Variants in CRB1 observed in about 807,000 individuals in gnomAD.
The protein encoded by CRB1 is crumbs cell polarity complex component 1, also known as protein crumbs homolog 1.
CRB1 carries 83 observed loss-of-function variants against 120.0 expected under a neutral mutation model. The ratio of observed to expected loss-of-function variants is 0.69; its 90% CI spans 0.58 to 0.83. The LOEUF (loss-of-function observed/expected upper bound fraction) is 0.83, where lower values mean the gene tolerates loss of function less well. Ranked by LOEUF, CRB1 falls within the 40% of genes least tolerant of loss-of-function variation. The pLI is 0.00. For missense variants in CRB1, 1,699 were observed against 1,687.6 expected (o/e 1.01, Z -0.12); for synonymous variants, 625 against 612.5 (o/e 1.02, Z -0.30).
chr1:197,465,770 G>C (rs184351822), intron 11 of CRB1, among the ~76,000 whole-genome samples: 1 of 152,144 alleles, frequency 6.6e-6, no homozygotes, highest in Non-Finnish European at 1.5e-5. Context: ...CTGATAATTT[G>C]ATGTAAACTG....
Position 197,356,927 on chromosome 1 carries a change from A to C in CRB1, c.1085A>C (p.Gln362Pro), listed in dbSNP as rs747814727. The C allele has an allele frequency of 6.2e-7, 1 of 1,614,226 alleles. No homozygotes were observed. Among genetic ancestry groups the C allele is most frequent in the Non-Finnish European group, 8.5e-7 (1 of 1,180,014 alleles). Residue 362 changes from glutamine (Q) to proline (P), a missense_variant, in exon 5 of 12, where the codon CAA becomes CCA. Coordinates refer to ENST00000367400, the MANE Select transcript of CRB1 (RefSeq NM_201253.3). ...GECVELSSEKQYGRITGLPSS... is the reference protein window; with the variant it reads ...GECVELSSEKPYGRITGLPSS... ...TGTGTGGAGCTGTCCTCAGAGAAAC[A>C]ATATGGACGCATCACTGGACTGCCT... is the stretch of plus-strand genomic sequence containing the variant.
chr1:197,222,574 C>G, the CRB1 span: 4 of 768,850 alleles, frequency 5.2e-6, no homozygotes, highest in Non-Finnish European at 9.7e-6. Context: ...GACGAAACTC[C>G]TGTTGTTTTG....
chr1:197,289,801 T>G (rs1656060144), intron 1 of CRB1, among the ~76,000 whole-genome samples: 1 of 151,728 alleles, frequency 6.6e-6, no homozygotes. Flanking sequence ...TCTGTTTGCC[T>G]TTTAAAATGG....
the CRB1 span, among the ~76,000 whole-genome samples, chr1:197,250,619 G>A: frequency 6.6e-6 from 1 of 151,970 alleles, no homozygotes; most frequent in African/African-American, 2.4e-5. Flanking sequence ...CGTAGAGAGG[G>A]GGCTTGTGTA....
At chr1:197,376,804 C>T (rs1661671375) in intron 5 of CRB1, among the ~76,000 whole-genome samples, 1 of 152,158 alleles carries the variant, frequency 6.6e-6, no homozygotes, top group Non-Finnish European at 1.5e-5. Flanking sequence ...AGTCCAGTGG[C>T]TCACATGTTC....
At chr1:197,298,797 A>AT (rs1466693926) in intron 1 of CRB1, among the ~76,000 whole-genome samples, 2 of 152,042 alleles carry the variant, frequency 1.3e-5, no homozygotes, top group African/African-American at 4.8e-5. Flanking sequence ...TGGCATTAAA[A>AT]TTTTTTTGCC....
At chr1:197,222,303 A>G in the CRB1 span, 2 of 675,620 alleles carry the variant, frequency 3.0e-6, no homozygotes, top group Non-Finnish European at 5.6e-6. Context: ...TATTTTCAGA[A>G]ATGGAAATTG....
the CRB1 span, among the ~76,000 whole-genome samples, chr1:197,240,649 G>C: frequency 7.5e-4 from 114 of 152,246 alleles, 2 homozygotes; most frequent in East Asian, 0.022. Context: ...AGTCTTTGCT[G>C]TTGTGAACAG....
At chr1:197,406,923 G>T (rs976856838) in intron 5 of CRB1, among the ~76,000 whole-genome samples, 1 of 152,288 alleles carries the variant, frequency 6.6e-6, no homozygotes, top group East Asian at 1.9e-4. Context: ...ATTTCACCAT[G>T]AACAAAGTTA....
chr1:197,346,342 T>A (rs191522432), intron 3 of CRB1, among the ~76,000 whole-genome samples: 1 of 152,038 alleles, frequency 6.6e-6, no homozygotes, highest in East Asian at 1.9e-4. Context: ...CAAATGGAGC[T>A]TCTAATTCCG....
chr1:197,344,516 C>G, intron 3 of CRB1, 40 bp downstream of exon 3: 1 of 1,575,234 alleles, frequency 6.3e-7, no homozygotes, highest in South Asian at 1.1e-5. Context: ...CTTAGAACTC[C>G]CTGACCATGA....
the CRB1 span, among the ~76,000 whole-genome samples, chr1:197,226,825 G>C: frequency 6.6e-6 from 1 of 152,154 alleles, no homozygotes; most frequent in African/African-American, 2.4e-5. Context: ...CTCAATCATG[G>C]CAGGAGGTGA....
At chr1:197,443,898 C>T (rs575842040) in intron 11 of CRB1, 6 of 151,720 alleles carry the variant, frequency 4.0e-5, no homozygotes, top group South Asian at 4.2e-4. Context: ...CCAAAGAAGA[C>T]GTTATTTGTG....
chr1:197,374,573 T>C (rs1346650953), intron 5 of CRB1, among the ~76,000 whole-genome samples: 3 of 152,054 alleles, frequency 2.0e-5, no homozygotes, highest in Non-Finnish European at 4.4e-5. Flanking sequence ...AAGAAGTTGA[T>C]GTTGTGGAAT....
chr1:197,357,571 T>C (rs1460337385), intron 5 of CRB1: 1 of 165,526 alleles, frequency 6.0e-6, no homozygotes, highest in African/African-American at 2.4e-5. Flanking sequence ...CTTTCTGTTC[T>C]GAAAATTTTC....
Position 197,354,575 on chromosome 1 carries a change from G to A in CRB1, c.989-2256G>A, listed in dbSNP as rs1013574071. Among the ~76,000 whole-genome samples, 9 of 152,146 alleles carry A rather than the reference G, an allele frequency of 5.9e-5. No individual in the cohort carries two copies. The South Asian group carries it at 1.0e-3, about 18-fold the overall frequency. On this transcript the variant is annotated intron_variant, in intron 4 of 11. Transcript: ENST00000367400. The stretch of plus-strand genomic sequence containing the variant: ...AACTCTTAAGATGGCACGTCTGGCC[G>A]CGTCTGGAGAGTTGTTTATTCCTCC...
chr1:197,230,194 A>G, the CRB1 span, among the ~76,000 whole-genome samples: 13 of 152,326 alleles, frequency 8.5e-5, no homozygotes, highest in African/African-American at 3.1e-4. Context: ...TGGCCTTACA[A>G]TATTACTATA....
intron 2 of CRB1, among the ~76,000 whole-genome samples, chr1:197,343,682 T>C (rs531152649): frequency 1.3e-5 from 2 of 152,334 alleles, no homozygotes; most frequent in South Asian, 4.1e-4. Context: ...TGGAAAAAAG[T>C]GTTTTTTCTC....
At chr1:197,205,841 A>G in the CRB1 span, among the ~76,000 whole-genome samples, 5 of 150,006 alleles carry the variant, frequency 3.3e-5, no homozygotes, top group East Asian at 7.8e-4. Flanking sequence ...TTCTCATTCA[A>G]TGTCTGATAG....
Sources: gnomAD v4.1 joint callset for allele counts (sites outside exome capture counted in the v4.1 genomes callset) on GRCh38, gnomAD v4.1.1 for gene constraint, MANE v1.5 for transcripts, NCBI Gene and HGNC (gene_info 2026-07-23, HGNC 2026-07-21) for gene names.